Variants in PDE9A observed in about 807,000 individuals in gnomAD.
PDE9A encodes the protein phosphodiesterase 9A.
Under a neutral mutation model 87.4 loss-of-function variants are expected in PDE9A, and 60 were observed. The observed-to-expected ratio is 0.69, with a 90% CI of 0.56 to 0.85. The LOEUF (loss-of-function observed/expected upper bound fraction) is 0.85, where lower values mean the gene tolerates loss of function less well. PDE9A is among the 40% of genes least tolerant of loss of function. The pLI, the probability that PDE9A is intolerant of heterozygous loss-of-function variation, is 0.00. For synonymous variants in PDE9A, 272 were observed against 279.4 expected (o/e 0.97, Z 0.27); for missense variants, 665 against 779.0 (o/e 0.85, Z 1.74).
chr21:42,666,055 C>T (rs1472772767), intron 1 of PDE9A, among the ~76,000 whole-genome samples: 1 of 152,182 alleles, frequency 6.6e-6, no homozygotes, highest in African/African-American at 2.4e-5. Context: ...GCCTTCAGGC[C>T]CTGACATCTA....
At chr21:42,686,727 A>G (rs1268871196) in intron 2 of PDE9A, among the ~76,000 whole-genome samples, 1 of 152,202 alleles carries the variant, frequency 6.6e-6, no homozygotes, top group Non-Finnish European at 1.5e-5. Flanking sequence ...AGGCAGGAGA[A>G]TGGCTTGAAC....
In PDE9A at chr21:42,659,733, C is replaced by T. The variant is rs1271057450; in HGVS notation, c.69+5850C>T. Among the ~76,000 whole-genome samples the T allele has an allele frequency of 6.6e-6, 1 of 152,228 alleles. No homozygotes were observed. Among genetic ancestry groups the T allele is most frequent in the African/African-American group, 2.4e-5 (1 of 41,452 alleles). ...GGCTCCCATGAAGAAGGAGCCAGAA[C>T]CACAGGCCCCATGAGCCCAGGTCCC... On this transcript the variant is annotated intron_variant, in intron 1 of 19. Transcript: ENST00000291539. This position sits in a 1 kb window ranked among gnomAD's most constrained non-coding sequence, Gnocchi z 4.1.
At chr21:42,670,598 C>T (rs548491975) in intron 1 of PDE9A, among the ~76,000 whole-genome samples, 3,512 of 151,604 alleles carry the variant, frequency 0.023, 67 homozygotes, top group Middle Eastern at 0.048. Context: ...TACACTTACA[C>T]ATGCACTCAC....
Position 42,760,783 on chromosome 21 carries a change from G to C in PDE9A, c.1003-42G>C. On this transcript the variant is annotated intron_variant, in intron 12 of 19. Transcript: ENST00000291539. This position sits in a 1 kb window ranked among gnomAD's most constrained non-coding sequence, Gnocchi z 5.2. ...CCCCCCTCACCCCATCCCACCCTCCGAGTGAAGAGAGCAAACACCTACGCC... is the reference window on the plus strand; with the variant it reads ...CCCCCCTCACCCCATCCCACCCTCCCAGTGAAGAGAGCAAACACCTACGCC... The C allele has an allele frequency of 1.2e-4, 120 of 971,010 alleles. No homozygotes were observed. Among genetic ancestry groups the C allele is most frequent in the Non-Finnish European group, 1.9e-4 (113 of 605,794 alleles). The allele number at this position is 971,010 out of a possible 1,614,324, so 60.1% of individuals were successfully genotyped here. A position where few individuals can be genotyped will look rare whatever the true frequency, so the allele number is the denominator to read the frequency against.
intron 7 of PDE9A, among the ~76,000 whole-genome samples, chr21:42,735,028 G>A (rs998286321): frequency 4.6e-5 from 7 of 152,210 alleles, no homozygotes; most frequent in African/African-American, 1.4e-4. Context: ...GAAACTGATC[G>A]TGGCTGCTTT....
At chr21:42,674,488 G>C (rs575689547) in intron 1 of PDE9A, among the ~76,000 whole-genome samples, 1 of 152,074 alleles carries the variant, frequency 6.6e-6, no homozygotes, top group African/African-American at 2.4e-5. Flanking sequence ...AACAGGGTGG[G>C]GGCTGCTCCT....
rs183461897 is a variant in PDE9A, at chr21:42,729,668, G to T, written c.263-2102G>T. Among the ~76,000 whole-genome samples the T allele has an allele frequency of 7.9e-5, 12 of 152,266 alleles. No individual in the cohort carries two copies. The East Asian group carries it at 2.3e-3, about 29-fold the overall frequency. On this transcript the variant is annotated intron_variant, in intron 4 of 19. Transcript: ENST00000291539. ...AAATTTCCCTCTCAGCATTGCTTTAGTCATGTCCCACAGCTAAGTTTTGTG... is the reference window on the plus strand; with the variant it reads ...AAATTTCCCTCTCAGCATTGCTTTATTCATGTCCCACAGCTAAGTTTTGTG...
intron 4 of PDE9A, among the ~76,000 whole-genome samples, chr21:42,709,273 A>C (rs992936282): frequency 6.6e-6 from 1 of 152,074 alleles, no homozygotes; most frequent in Non-Finnish European, 1.5e-5. Context: ...GGACACAGGG[A>C]GGGGAATAAC....
chr21:42,723,182 T>C lies in PDE9A; in HGVS notation c.263-8588T>C, dbSNP rs1569202482. Among the ~76,000 whole-genome samples, 2 of 152,240 alleles carry C rather than the reference T, an allele frequency of 1.3e-5. No homozygotes were observed. The highest frequency in any genetic ancestry group is 1.5e-5 in the Non-Finnish European group (1 of 68,042). On this transcript the variant is annotated intron_variant, in intron 4 of 19. Transcript: ENST00000291539. The surrounding 1 kb of genome is among the most constrained non-coding windows in gnomAD (Gnocchi z 4.3). ...TTCCAGTACCCTTGGTTCTGTCAAG[T>C]GGGCAGGGCCTGGGCCCCTCTGCTG...
chr21:42,681,929 G>A (rs2059186288), intron 1 of PDE9A, among the ~76,000 whole-genome samples: 1 of 152,250 alleles, frequency 6.6e-6, no homozygotes, highest in African/African-American at 2.4e-5. Context: ...TGACGAGGCA[G>A]CCTAGGGGTC....
At chr21:42,653,956 G>T in intron 1 of PDE9A, 73 bp downstream of exon 1, 1 of 902,688 alleles carries the variant, frequency 1.1e-6, no homozygotes, top group Non-Finnish European at 1.7e-6. Flanking sequence ...CGGCGGGGCG[G>T]GACTGTCCGT....
At chr21:42,742,184 C>T (rs2053351641) in intron 7 of PDE9A, among the ~76,000 whole-genome samples, 1 of 152,152 alleles carries the variant, frequency 6.6e-6, no homozygotes, top group Non-Finnish European at 1.5e-5. Context: ...TACACCTTTG[C>T]AGTGGGACTC....
intron 4 of PDE9A, among the ~76,000 whole-genome samples, chr21:42,703,226 C>CAGGTGCATG (rs985545114): frequency 2.6e-5 from 4 of 152,330 alleles, no homozygotes; most frequent in Middle Eastern, 3.4e-3. Flanking sequence ...CATCAGACAT[C>CAGGTGCATG]AGGTGCATGA....
chr21:42,693,533 A>G (rs930387521), intron 3 of PDE9A, among the ~76,000 whole-genome samples: 5 of 148,562 alleles, frequency 3.4e-5, no homozygotes, highest in Non-Finnish European at 5.9e-5. Context: ...CTCGTGATCC[A>G]CCTGCCTCGG....
At chr21:42,720,354 C>G (rs1278872748) in intron 4 of PDE9A, among the ~76,000 whole-genome samples, 2 of 151,988 alleles carry the variant, frequency 1.3e-5, no homozygotes, top group Non-Finnish European at 2.9e-5. Context: ...ATTAGCCGGG[C>G]ATGGTCACGC....
chr21:42,749,114 T>G (rs2054177051), intron 8 of PDE9A, among the ~76,000 whole-genome samples: 1 of 152,236 alleles, frequency 6.6e-6, no homozygotes, highest in Admixed American at 6.5e-5. Flanking sequence ...TGCATAGAGC[T>G]GTTTGTTCCT....
intron 17 of PDE9A, among the ~76,000 whole-genome samples, chr21:42,770,473 C>T (rs1485840677): frequency 2.6e-5 from 4 of 152,066 alleles, no homozygotes; most frequent in Non-Finnish European, 5.9e-5. Context: ...CTCACGGGCA[C>T]GGGGGACACA....
chr21:42,769,400 C>T (rs1276299022), intron 17 of PDE9A, among the ~76,000 whole-genome samples: 1 of 115,104 alleles, frequency 8.7e-6, no homozygotes, highest in African/African-American at 4.2e-5. Context: ...CACAAATGCA[C>T]ACACACGGCA....
intron 4 of PDE9A, among the ~76,000 whole-genome samples, chr21:42,701,811 T>C (rs1176262302): frequency 6.6e-6 from 1 of 152,260 alleles, no homozygotes; most frequent in Non-Finnish European, 1.5e-5. Flanking sequence ...TGTGAATATG[T>C]CTTCTCATTG....
Sources: gnomAD v4.1 joint callset for allele counts (sites outside exome capture counted in the v4.1 genomes callset) on GRCh38, gnomAD v4.1.1 for gene constraint, Gnocchi (gnomAD v3.1) non-coding constraint, MANE v1.5 for transcripts, NCBI Gene and HGNC (gene_info 2026-07-23, HGNC 2026-07-21) for gene names.